Variants in FAM13A observed in about 807,000 individuals in gnomAD.
FAM13A encodes the protein protein FAM13A.
In FAM13A, 76 loss-of-function variants were observed where a neutral mutation model predicts 129.6. The ratio of observed to expected loss-of-function variants is 0.59; its 90% CI spans 0.49 to 0.71. The LOEUF (loss-of-function observed/expected upper bound fraction) is 0.71, where lower values mean the gene tolerates loss of function less well. FAM13A is among the 30% of genes least tolerant of loss of function. FAM13A has a pLI of 0.00. For missense variants in FAM13A, 1,108 were observed against 1,249.3 expected, an observed-to-expected ratio of 0.89 and a Z score of 1.70; for synonymous variants, 443 against 449.9, an observed-to-expected ratio of 0.98 and a Z score of 0.20.
Position 89,044,354 on chromosome 4 carries a change from G to C in FAM13A, c.27+12584C>G, listed in dbSNP as rs140083503. Among the ~76,000 whole-genome samples, 908 of 152,166 alleles carry C rather than the reference G, an allele frequency of 6.0e-3. 11 individuals are homozygous for C. The highest frequency in any genetic ancestry group is 0.021 in the African/African-American group (867 of 41,532). On this transcript the variant is annotated intron_variant, in intron 1 of 23. Coordinates refer to ENST00000264344, the MANE Select transcript of FAM13A (RefSeq NM_014883.4). The stretch of plus-strand genomic sequence containing the variant: ...ACATCACTGGTCTTTAGGGAAGTGA[G>C]AATCAAAACCACAATGAGATATCGC...
intron 15 of FAM13A, 40 bp downstream of exon 15, chr4:88,750,384 G>GGAT (rs1742314401): frequency 6.7e-7 from 1 of 1,482,688 alleles, no homozygotes; most frequent in African/African-American, 1.4e-5. Context: ...GATGTTGTGG[G>GGAT]GATGATGCAT....
Position 88,737,558 on chromosome 4 carries a change from G to T in FAM13A, c.2563-3C>A, listed in dbSNP as rs777362472. The T allele has an allele frequency of 1.9e-6, 3 of 1,613,634 alleles. No individual in the cohort carries two copies. The highest frequency in any genetic ancestry group is 2.5e-6 in the Non-Finnish European group (3 of 1,179,558). On this transcript the variant is annotated splice_region_variant and splice_polypyrimidine_tract_variant and intron_variant, in intron 20 of 23. Transcript: ENST00000264344. ...CTCCGCTTGCTGGAGGGGGAACCCT[G>T]TGACAGGTGTTAACAAGTAGGTTAC...
At chr4:88,865,634 G>A (rs775439796) in intron 6 of FAM13A, among the ~76,000 whole-genome samples, 14 of 152,128 alleles carry the variant, frequency 9.2e-5, no homozygotes, top group African/African-American at 2.7e-4. Flanking sequence ...AACTTTTTCC[G>A]TAAAGGGCCA....
At chr4:88,749,240 C>T (rs527549302) in intron 16 of FAM13A, among the ~76,000 whole-genome samples, 1 of 152,272 alleles carries the variant, frequency 6.6e-6, no homozygotes, top group East Asian at 1.9e-4. Context: ...TCAAAAAATT[C>T]CTCAGAGGCA....
intron 13 of FAM13A, among the ~76,000 whole-genome samples, chr4:88,760,895 G>A (rs1282844815): frequency 1.3e-5 from 2 of 152,000 alleles, no homozygotes; most frequent in Non-Finnish European, 2.9e-5. Context: ...TATGCATACA[G>A]CAAATAAGCA....
intron 8 of FAM13A, among the ~76,000 whole-genome samples, chr4:88,796,371 T>C (rs1393088826): frequency 6.6e-6 from 1 of 151,978 alleles, no homozygotes; most frequent in Non-Finnish European, 1.5e-5. Flanking sequence ...TTAAGAACTT[T>C]TAAAGATAGC....
At chr4:88,852,160 CTT>C (rs369275871) in intron 6 of FAM13A, among the ~76,000 whole-genome samples, 2,019 of 138,080 alleles carry the variant, frequency 0.015, 51 homozygotes, top group African/African-American at 0.05. Context: ...AACTTCAGGT[CTT>C]TTTTTTTTTT....
intron 6 of FAM13A, among the ~76,000 whole-genome samples, chr4:88,870,375 C>T (rs1314665426): frequency 1.3e-5 from 2 of 152,214 alleles, no homozygotes; most frequent in Non-Finnish European, 2.9e-5. Flanking sequence ...TTTCCCTTTC[C>T]TATCCAAGAA....
At chr4:88,893,920 T>C (rs954587981) in intron 6 of FAM13A, among the ~76,000 whole-genome samples, 1 of 152,032 alleles carries the variant, frequency 6.6e-6, no homozygotes, top group Non-Finnish European at 1.5e-5. Flanking sequence ...AGTAGTTGAC[T>C]GGCCCGACCT....
At chr4:88,848,230 C>G (rs1737001913) in intron 7 of FAM13A, among the ~76,000 whole-genome samples, 1 of 152,180 alleles carries the variant, frequency 6.6e-6, no homozygotes, top group Non-Finnish European at 1.5e-5. Context: ...CTGCCTAGCA[C>G]TGTTTGTTCA....
chr4:88,807,561 T>G (rs575506647), intron 7 of FAM13A, among the ~76,000 whole-genome samples: 2 of 152,314 alleles, frequency 1.3e-5, no homozygotes, highest in East Asian at 3.9e-4. Flanking sequence ...TTTCCCTTGA[T>G]TTTTAACTTA....
At chr4:88,900,075 G>T (rs1747033255) in intron 6 of FAM13A, among the ~76,000 whole-genome samples, 2 of 151,924 alleles carry the variant, frequency 1.3e-5, no homozygotes, top group Admixed American at 6.6e-5. Context: ...AGGCAGACAA[G>T]AATACAGAAA....
At chr4:88,904,683 A>G (rs1210018168) in intron 6 of FAM13A, among the ~76,000 whole-genome samples, 1 of 152,148 alleles carries the variant, frequency 6.6e-6, no homozygotes, top group African/African-American at 2.4e-5. Flanking sequence ...TACCTAGGTG[A>G]TGGTAGGAGA....
intron 6 of FAM13A, among the ~76,000 whole-genome samples, chr4:88,872,192 T>C (rs1741536609): frequency 6.6e-6 from 1 of 152,138 alleles, no homozygotes; most frequent in Admixed American, 6.5e-5. Context: ...TGCAAAAATA[T>C]GACGAATTGT....
rs539977199 is a variant in FAM13A, at chr4:88,740,408, ACAT to A, written c.2467-1286_2467-1284del. ...TCCCTAGTAACTATTTCAGTGCCTGACATCATGGAAATATTCCATAAATATCAG... is the reference window on the plus strand; with the variant it reads ...TCCCTAGTAACTATTTCAGTGCCTGACATGGAAATATTCCATAAATATCAG... On this transcript the variant is annotated intron_variant, in intron 19 of 23. Coordinates refer to ENST00000264344, the MANE Select transcript of FAM13A (RefSeq NM_014883.4). 1.3e-3 allele frequency among the ~76,000 whole-genome samples: 192 copies of A among 152,356 alleles called. 1 individual carries two copies. The highest frequency in any genetic ancestry group is 6.8e-3 in the Middle Eastern group (2 of 294).
intron 3 of FAM13A, among the ~76,000 whole-genome samples, chr4:89,005,860 T>G (rs951069066): frequency 2.0e-5 from 3 of 152,178 alleles, no homozygotes; most frequent in African/African-American, 7.2e-5. Flanking sequence ...ATTCTATAGG[T>G]TGTCTGTTTA....
At chr4:88,945,990 G>GTGTGTGTGTGTATGTATATATACA in intron 4 of FAM13A, among the ~76,000 whole-genome samples, 1 of 61,966 alleles carries the variant, frequency 1.6e-5, no homozygotes, top group African/African-American at 8.6e-5. Context: ...GTGTGTGTGT[G>GTGTGTGTGTGTATGTATATATACA]TATATATATA....
chr4:88,843,879 G>A (rs528185052), intron 7 of FAM13A, among the ~76,000 whole-genome samples: 87 of 152,312 alleles, frequency 5.7e-4, no homozygotes, highest in Non-Finnish European at 9.6e-4. Flanking sequence ...CAATGAGAGC[G>A]CACGGCTGTC....
chr4:88,832,725 AAAC>A (rs1366019601), intron 7 of FAM13A, among the ~76,000 whole-genome samples: 7 of 152,174 alleles, frequency 4.6e-5, no homozygotes, highest in African/African-American at 1.7e-4. Flanking sequence ...AAAAGTCAAG[AAAC>A]AACAGAGGCT....
Sources: allele counts gnomAD v4.1 joint callset (sites outside exome capture counted in the v4.1 genomes callset), GRCh38; gene constraint gnomAD v4.1.1; transcripts MANE v1.5; gene names NCBI Gene and HGNC (gene_info 2026-07-23, HGNC 2026-07-21).